Variants in KDM4C observed in about 807,000 individuals in gnomAD.
KDM4C encodes lysine demethylase 4C, also known as lysine-specific demethylase 4C.
KDM4C carries 81 observed loss-of-function variants against 129.3 expected under a neutral mutation model. The observed-to-expected ratio is 0.63, with a 90% CI of 0.52 to 0.75. The LOEUF is 0.75. Among genes scored for constraint, KDM4C ranks in the 30% least tolerant of loss-of-function variants. The pLI is 0.00. For synonymous variants in KDM4C, 573 were observed against 456.1 expected (o/e 1.26, Z -3.26); for missense variants, 1,457 against 1,304.0 (o/e 1.12, Z -1.81).
At chr9:6,992,278 A>T (rs754494) in intron 12 of KDM4C, among the ~76,000 whole-genome samples, 1 of 152,046 alleles carries the variant, frequency 6.6e-6, no homozygotes, top group South Asian at 2.1e-4. Context: ...GTGGGCCATC[A>T]TAAATTGGCC....
chr9:7,019,949 T>C (rs1018944879), intron 15 of KDM4C, among the ~76,000 whole-genome samples: 1 of 151,800 alleles, frequency 6.6e-6, no homozygotes, highest in Non-Finnish European at 1.5e-5. Context: ...GCTCTCTTTT[T>C]ATTTTCCAAT....
At chr9:6,746,011 G>C (rs1291426715) in intron 1 of KDM4C, among the ~76,000 whole-genome samples, 5 of 151,956 alleles carry the variant, frequency 3.3e-5, no homozygotes. Flanking sequence ...TCACCATGTT[G>C]GTCAGGCTGG....
At chr9:7,147,153 A>G (rs1842291506) in intron 19 of KDM4C, among the ~76,000 whole-genome samples, 2 of 152,238 alleles carry the variant, frequency 1.3e-5, no homozygotes, top group Non-Finnish European at 2.9e-5. Flanking sequence ...TTAATGAGAA[A>G]ACCAGGACAT....
intron 19 of KDM4C, among the ~76,000 whole-genome samples, chr9:7,148,864 A>C (rs907538079): frequency 9.2e-5 from 14 of 152,166 alleles, no homozygotes; most frequent in African/African-American, 3.4e-4. Flanking sequence ...TGATTGGTCC[A>C]TGGATGGGCC....
chr9:7,078,508 A>G (rs1381377080), intron 17 of KDM4C, among the ~76,000 whole-genome samples: 1 of 151,954 alleles, frequency 6.6e-6, no homozygotes, highest in East Asian at 1.9e-4. Context: ...TGTTCTCCTT[A>G]ATGGTTCTCT....
intron 17 of KDM4C, among the ~76,000 whole-genome samples, chr9:7,067,003 AAAC>A (rs754708923): frequency 1.3e-4 from 20 of 152,218 alleles, no homozygotes; most frequent in Admixed American, 2.0e-4. Flanking sequence ...ATATTTTTGG[AAAC>A]AACAAGGAAA....
intron 1 of KDM4C, among the ~76,000 whole-genome samples, chr9:6,772,941 C>T (rs543272398): frequency 1.3e-5 from 2 of 151,922 alleles, no homozygotes; most frequent in Non-Finnish European, 2.9e-5. Flanking sequence ...GGTGATCCAC[C>T]CACCTCGGCC....
At chr9:7,012,397 C>G (rs1207406826) in intron 13 of KDM4C, among the ~76,000 whole-genome samples, 2 of 152,108 alleles carry the variant, frequency 1.3e-5, no homozygotes, top group Non-Finnish European at 2.9e-5. Flanking sequence ...ACTTTTCTAT[C>G]TCTTTTACTA....
intron 8 of KDM4C, among the ~76,000 whole-genome samples, chr9:6,957,713 G>A (rs969227561): frequency 6.6e-6 from 1 of 152,036 alleles, no homozygotes; most frequent in African/African-American, 2.4e-5. Flanking sequence ...GTTATAGCAG[G>A]AGCCATGTCA....
chr9:6,897,823 CAG>C (rs1816704165), intron 8 of KDM4C, among the ~76,000 whole-genome samples: 2 of 152,198 alleles, frequency 1.3e-5, no homozygotes, highest in Admixed American at 6.5e-5. Context: ...GTTGGCATAA[CAG>C]AGTGAAATGC....
At chr9:6,856,439 C>G (rs542965973) in intron 5 of KDM4C, among the ~76,000 whole-genome samples, 1 of 151,870 alleles carries the variant, frequency 6.6e-6, no homozygotes, top group Non-Finnish European at 1.5e-5. Context: ...GAAATTTGCC[C>G]TTTACATAAG....
chr9:7,069,175 T>C (rs1290278627), intron 17 of KDM4C, among the ~76,000 whole-genome samples: 5 of 152,210 alleles, frequency 3.3e-5, no homozygotes, highest in East Asian at 1.9e-4. Context: ...ATATTCCTTC[T>C]TATTGTTATT....
intron 1 of KDM4C, among the ~76,000 whole-genome samples, chr9:6,725,054 C>T (rs1817076481): frequency 6.6e-6 from 1 of 152,116 alleles, no homozygotes; most frequent in Non-Finnish European, 1.5e-5. Context: ...ATGACACCTT[C>T]CTCACATTGT....
intron 1 of KDM4C, among the ~76,000 whole-genome samples, chr9:6,738,871 T>G (rs535355227): frequency 5.3e-5 from 8 of 150,924 alleles, no homozygotes; most frequent in African/African-American, 7.3e-5. Context: ...AGGCATGAGC[T>G]ATCACGCCTG....
At chr9:7,030,455 CTG>C (rs1826540610) in intron 15 of KDM4C, among the ~76,000 whole-genome samples, 1 of 152,010 alleles carries the variant, frequency 6.6e-6, no homozygotes, top group South Asian at 2.1e-4. Flanking sequence ...CTAAACTAAA[CTG>C]TGGATTCTGG....
chr9:6,822,783 A>G (rs181759918), intron 4 of KDM4C, among the ~76,000 whole-genome samples: 85 of 152,372 alleles, frequency 5.6e-4, no homozygotes, highest in Non-Finnish European at 2.9e-5. Context: ...TGGCTAAAGG[A>G]CCTGCAAGTC....
intron 8 of KDM4C, among the ~76,000 whole-genome samples, chr9:6,931,591 C>T (rs933135686): frequency 6.6e-6 from 1 of 152,100 alleles, no homozygotes; most frequent in African/African-American, 2.4e-5. Flanking sequence ...GCCTCCATCA[C>T]CCAAGCTCAA....
At chr9:7,044,448 G>C (rs1829081442) in intron 15 of KDM4C, among the ~76,000 whole-genome samples, 2 of 151,858 alleles carry the variant, frequency 1.3e-5, no homozygotes, top group South Asian at 4.2e-4. Flanking sequence ...TATTGCAATA[G>C]TTTAGGTCTG....
intron 8 of KDM4C, among the ~76,000 whole-genome samples, chr9:6,930,807 T>C (rs934795783): frequency 2.0e-5 from 3 of 151,538 alleles, no homozygotes; most frequent in Non-Finnish European, 2.9e-5. Flanking sequence ...GAATGTTCTT[T>C]TGTTGTAAAA....
Sources: gnomAD v4.1 joint callset for allele counts (sites outside exome capture counted in the v4.1 genomes callset) on GRCh38, gnomAD v4.1.1 for gene constraint, MANE v1.5 for transcripts, NCBI Gene and HGNC (gene_info 2026-07-23, HGNC 2026-07-21) for gene names.